The following HPSE2 variants were observed in gnomAD, a reference collection of about 807,000 sequenced individuals.
HPSE2 encodes the protein heparanase 2 (inactive).
In HPSE2, 38 loss-of-function variants were observed where a neutral mutation model predicts 60.5. That is an observed-to-expected ratio of 0.63 (90% CI 0.48 to 0.82). HPSE2 has a LOEUF of 0.82. Among genes scored for constraint, HPSE2 ranks in the 40% least tolerant of loss-of-function variants. The pLI is 0.00. For missense variants in HPSE2, 713 were observed against 740.4 expected (o/e 0.96, Z 0.43); for synonymous variants, 295 against 293.2 (o/e 1.01, Z -0.06).
intron 3 of HPSE2, among the ~76,000 whole-genome samples, chr10:98,959,897 T>A (rs937403016): frequency 3.3e-5 from 5 of 152,122 alleles, no homozygotes; most frequent in African/African-American, 1.2e-4. Flanking sequence ...CTCTTCTTTC[T>A]CCTTTTTCTA....
intron 2 of HPSE2, among the ~76,000 whole-genome samples, chr10:99,202,285 G>T (rs1006824648): frequency 3.9e-5 from 6 of 152,166 alleles, no homozygotes; most frequent in African/African-American, 1.2e-4. Context: ...ATACTAAGAG[G>T]ATCGTTAGCC....
chr10:99,014,366 T>G (rs1413369075), intron 3 of HPSE2, among the ~76,000 whole-genome samples: 1 of 152,220 alleles, frequency 6.6e-6, no homozygotes, highest in African/African-American at 2.4e-5. Flanking sequence ...TCATGGCCAC[T>G]TAGGTTGATT....
At chr10:99,269,252 T>C in the HPSE2 span, among the ~76,000 whole-genome samples, 1 of 148,786 alleles carries the variant, frequency 6.7e-6, no homozygotes, top group African/African-American at 2.5e-5. Flanking sequence ...GGTAAAGGAG[T>C]GAAAAAAGAT....
chr10:98,850,035 C>T (rs1478639394), intron 3 of HPSE2, among the ~76,000 whole-genome samples: 4 of 152,076 alleles, frequency 2.6e-5, no homozygotes, highest in Admixed American at 1.3e-4. Context: ...TGAGGCACCA[C>T]GCCCAGCCAA....
chr10:98,724,058 G>A (rs938413892), intron 4 of HPSE2, among the ~76,000 whole-genome samples: 2 of 152,046 alleles, frequency 1.3e-5, no homozygotes, highest in Non-Finnish European at 2.9e-5. Context: ...TGGGATGTTA[G>A]GGTGTCAATT....
chr10:98,982,741 A>G (rs1442919991), intron 3 of HPSE2, among the ~76,000 whole-genome samples: 1 of 152,188 alleles, frequency 6.6e-6, no homozygotes. Flanking sequence ...AACTGTGCTT[A>G]CTGTACTAAT....
chr10:99,204,307 C>G (rs1448787847), intron 2 of HPSE2, among the ~76,000 whole-genome samples: 1 of 152,214 alleles, frequency 6.6e-6, no homozygotes. Context: ...CCTGCTGACT[C>G]AGGAACTAGG....
intron 3 of HPSE2, among the ~76,000 whole-genome samples, chr10:98,856,658 T>C (rs1053642569): frequency 1.3e-5 from 2 of 152,198 alleles, no homozygotes; most frequent in African/African-American, 4.8e-5. Context: ...GTGATGGCTG[T>C]ACAACAATCT....
In HPSE2 at chr10:98,936,373, GC is replaced by G. The variant is rs1446370830; in HGVS notation, c.611-192318del. ...GAGTATGTAAAAACTGCAGTTCAGTGCCTGCCTGAACAGCTGCCCAGTTTTT... is the reference window on the plus strand; with the variant it reads ...GAGTATGTAAAAACTGCAGTTCAGTGCTGCCTGAACAGCTGCCCAGTTTTT... On this transcript the variant is annotated intron_variant, in intron 3 of 11. Coordinates refer to ENST00000370552, the MANE Select transcript of HPSE2 (RefSeq NM_021828.5). 1.9e-4 allele frequency among the ~76,000 whole-genome samples: 28 copies of G among 143,884 alleles called. 5 individuals carry two copies. Among genetic ancestry groups the G allele is most frequent in the African/African-American group, 7.3e-4 (26 of 35,472 alleles). The allele number at this position is 143,884 out of a possible 152,430, so 94.4% of individuals were successfully genotyped here. A position where few individuals can be genotyped will look rare whatever the true frequency, so the allele number is the denominator to read the frequency against.
intron 6 of HPSE2, among the ~76,000 whole-genome samples, chr10:98,670,401 T>C (rs1474156297): frequency 1.3e-5 from 2 of 152,192 alleles, no homozygotes; most frequent in East Asian, 3.9e-4. Context: ...CCCTTAGAAA[T>C]GTTCAAGACC....
chr10:98,947,467 A>G lies in HPSE2; in HGVS notation c.610+196771T>C, dbSNP rs144041091. On this transcript the variant is annotated intron_variant, in intron 3 of 11. Coordinates refer to ENST00000370552, the MANE Select transcript of HPSE2 (RefSeq NM_021828.5). ...GAGATGTGGCTTTTAAAAAGTCAAG[A>G]TAACAAGAGAAGTAGCTCCTGCTGA... 9.9e-3 allele frequency among the ~76,000 whole-genome samples: 1,500 copies of G among 152,270 alleles called. 7 individuals are homozygous for G. The highest frequency in any genetic ancestry group is 0.024 in the East Asian group (122 of 5,176).
At chr10:99,115,022 C>T (rs1450292096) in intron 3 of HPSE2, among the ~76,000 whole-genome samples, 1 of 152,038 alleles carries the variant, frequency 6.6e-6, no homozygotes, top group Non-Finnish European at 1.5e-5. Context: ...TGCTCTGTCA[C>T]CCAGGTTGGA....
At chr10:98,807,015 C>T (rs1338981683) in intron 3 of HPSE2, among the ~76,000 whole-genome samples, 2 of 152,046 alleles carry the variant, frequency 1.3e-5, no homozygotes, top group Non-Finnish European at 2.9e-5. Context: ...TGGTGGCAGG[C>T]ATCTGTAATC....
At chr10:99,166,210 GA>G (rs1847077632) in intron 2 of HPSE2, among the ~76,000 whole-genome samples, 1 of 152,146 alleles carries the variant, frequency 6.6e-6, no homozygotes, top group Admixed American at 6.5e-5. Flanking sequence ...TTCACCCACT[GA>G]AGGAAATCCA....
At chr10:98,777,029 C>T (rs1221748747) in intron 3 of HPSE2, among the ~76,000 whole-genome samples, 1 of 152,086 alleles carries the variant, frequency 6.6e-6, no homozygotes, top group Non-Finnish European at 1.5e-5. Context: ...ACTTTCATTT[C>T]TGTTTAAAAG....
intron 3 of HPSE2, among the ~76,000 whole-genome samples, chr10:98,788,493 G>T (rs1289026626): frequency 7.0e-6 from 1 of 143,208 alleles, no homozygotes; most frequent in Non-Finnish European, 1.5e-5. Context: ...CTTCCCGGCT[G>T]CTTTGTTTAC....
intron 2 of HPSE2, among the ~76,000 whole-genome samples, chr10:99,168,105 C>T (rs1449188536): frequency 2.0e-5 from 3 of 151,006 alleles, no homozygotes; most frequent in African/African-American, 7.3e-5. Context: ...CACACACACA[C>T]ACACACACAC....
At chr10:98,918,892 G>T (rs1954202947) in intron 3 of HPSE2, among the ~76,000 whole-genome samples, 1 of 151,982 alleles carries the variant, frequency 6.6e-6, no homozygotes, top group South Asian at 2.1e-4. Flanking sequence ...TACATATTGT[G>T]GAGCAATACA....
Position 99,155,915 on chromosome 10 carries a change from G to A in HPSE2, c.449-11516C>T, listed in dbSNP as rs1846532721. Among the ~76,000 whole-genome samples the A allele has an allele frequency of 2.0e-5, 3 of 151,604 alleles. No individual in the cohort carries two copies. The South Asian group carries it at 6.2e-4, about 32-fold the overall frequency. ...AGACACAATAAAAAATGATAAAGGG[G>A]ATATCACCACCGATCCCACAGAAAT... On this transcript the variant is annotated intron_variant, in intron 2 of 11. Coordinates refer to ENST00000370552, the MANE Select transcript of HPSE2 (RefSeq NM_021828.5).
Sources: allele counts gnomAD v4.1 joint callset (sites outside exome capture counted in the v4.1 genomes callset), GRCh38; gene constraint gnomAD v4.1.1; transcripts MANE v1.5; gene names NCBI Gene and HGNC (gene_info 2026-07-23, HGNC 2026-07-21).